Variants in RBKS observed in about 807,000 individuals in gnomAD.
RBKS encodes the protein ribokinase.
A neutral mutation model predicts 33.9 loss-of-function variants in RBKS; 33 were observed. That is an observed-to-expected ratio of 0.97 (90% CI 0.74 to 1.30). The LOEUF (loss-of-function observed/expected upper bound fraction) is 1.30. Ranked by LOEUF, RBKS falls within the 50% of genes most tolerant of loss-of-function variation. The pLI, the probability that RBKS is intolerant of heterozygous loss-of-function variation, is 0.00. For missense variants in RBKS, 361 were observed against 392.6 expected (o/e 0.92, Z 0.68); for synonymous variants, 125 against 143.0 (o/e 0.87, Z 0.90).
Position 27,810,018 on chromosome 2 carries a change from CA to C in RBKS, c.795+17548del. 1 of 1,304,270 alleles carries C rather than the reference CA, an allele frequency of 7.7e-7. No individual in the cohort carries two copies. Among genetic ancestry groups the C allele is most frequent in the Admixed American group, 2.3e-5 (1 of 43,570 alleles). The allele number at this position is 1,304,270 out of a possible 1,614,324, so 80.8% of individuals were successfully genotyped here. Reference sequence around the variant, plus strand: ...TTCTGCTTCTTCACACTTGCTGCTTCACTCTTGGGTCTTGAGCCAGGTCTAC... The same window carrying C: ...TTCTGCTTCTTCACACTTGCTGCTTCCTCTTGGGTCTTGAGCCAGGTCTAC... On this transcript the variant is annotated intron_variant, in intron 7 of 7. Transcript: ENST00000302188. The surrounding 1 kb of genome is among the most constrained non-coding windows in gnomAD (Gnocchi z 4.4).
chr2:27,869,607 C>A (rs537626421), intron 1 of RBKS, among the ~76,000 whole-genome samples: 1 of 152,186 alleles, frequency 6.6e-6, no homozygotes, highest in East Asian at 1.9e-4. Context: ...TTGGGATGAT[C>A]CAAGCACATT....
chr2:27,785,162 G>A (rs750570448), intron 7 of RBKS, among the ~76,000 whole-genome samples: 6 of 151,618 alleles, frequency 4.0e-5, no homozygotes, highest in Non-Finnish European at 7.4e-5. Context: ...AACCCCAGAC[G>A]GAAAACATAA....
intron 7 of RBKS, among the ~76,000 whole-genome samples, chr2:27,798,154 G>A (rs934060698): frequency 1.8e-4 from 27 of 152,094 alleles, no homozygotes; most frequent in Non-Finnish European, 3.8e-4. Flanking sequence ...AGGCGCCCAA[G>A]TCCTAGATAA....
At chr2:27,798,995 C>G (rs567118149) in intron 7 of RBKS, among the ~76,000 whole-genome samples, 1 of 152,302 alleles carries the variant, frequency 6.6e-6, no homozygotes, top group Non-Finnish European at 1.5e-5. Context: ...GTCTTCATCA[C>G]CTCCCTGTCC....
chr2:27,881,812 A>G (rs1299496045), intron 1 of RBKS, among the ~76,000 whole-genome samples: 1 of 152,166 alleles, frequency 6.6e-6, no homozygotes, highest in Non-Finnish European at 1.5e-5. Context: ...AAAACAAGCA[A>G]TGGAGAAAGG....
At chr2:27,879,342 T>A (rs948638692) in intron 1 of RBKS, among the ~76,000 whole-genome samples, 10 of 152,174 alleles carry the variant, frequency 6.6e-5, no homozygotes, top group Non-Finnish European at 1.3e-4. Context: ...CCTGTTGAAA[T>A]TTAATTGCCA....
At chr2:27,858,336 A>G (rs764459867) in intron 2 of RBKS, 103 bp downstream of exon 2, 1 of 1,161,266 alleles carries the variant, frequency 8.6e-7, no homozygotes, top group Non-Finnish European at 1.2e-6. Context: ...CATGCCACTG[A>G]ACTGTTCACT....
chr2:27,783,769 A>T (rs1282465160), intron 7 of RBKS, among the ~76,000 whole-genome samples: 1 of 150,868 alleles, frequency 6.6e-6, no homozygotes, highest in East Asian at 2.0e-4. Flanking sequence ...TAGCCGGGCG[A>T]GGTGGTGGAC....
chr2:27,809,868 CA>C lies in RBKS; in HGVS notation c.795+17698del, dbSNP rs573495538. On this transcript the variant is annotated intron_variant, in intron 7 of 7. Transcript: ENST00000302188. ...CACAGGTTCCACTTCTGCTGATGCA[CA>C]AAATTTTGAGTAATTAGTCATTGCA... 9.1e-5 allele frequency: 112 copies of C among 1,234,774 alleles called. No individual in the cohort carries two copies. In the South Asian group the frequency reaches 1.3e-3, roughly 14 times the overall value. 76.5% of individuals were successfully genotyped at this position (1,234,774 alleles called of 1,614,324 possible).
At chr2:27,816,530 T>C (rs1396223167) in intron 7 of RBKS, among the ~76,000 whole-genome samples, 1 of 152,230 alleles carries the variant, frequency 6.6e-6, no homozygotes, top group Non-Finnish European at 1.5e-5. Flanking sequence ...TCAGAGATGT[T>C]GTGCACTCTC....
chr2:27,856,930 T>C (rs1414655807), intron 2 of RBKS, among the ~76,000 whole-genome samples: 2 of 152,204 alleles, frequency 1.3e-5, no homozygotes, highest in African/African-American at 4.8e-5. Flanking sequence ...ACATAATTAA[T>C]TGCTGATTAA....
intron 7 of RBKS, among the ~76,000 whole-genome samples, chr2:27,820,549 TTCTCTCTCTCTC>T (rs10534268): frequency 3.2e-4 from 48 of 147,948 alleles, no homozygotes; most frequent in Middle Eastern, 3.5e-3. Context: ...AGATTTACTA[TTCTCTCTCTCTC>T]TCTCTCTCTC....
chr2:27,862,333 A>G (rs1457412251), intron 1 of RBKS, among the ~76,000 whole-genome samples: 3 of 152,220 alleles, frequency 2.0e-5, no homozygotes, highest in African/African-American at 4.8e-5. Context: ...AAGTTAAATG[A>G]CAGGTATTCA....
At chr2:27,864,873 G>A (rs1027277006) in intron 1 of RBKS, among the ~76,000 whole-genome samples, 1 of 152,162 alleles carries the variant, frequency 6.6e-6, no homozygotes, top group Non-Finnish European at 1.5e-5. Context: ...ACCTGCACAT[G>A]ACCTACTGAC....
chr2:27,889,278 C>T (rs1480904075), intron 1 of RBKS, among the ~76,000 whole-genome samples: 1 of 152,154 alleles, frequency 6.6e-6, no homozygotes. Flanking sequence ...TTTTGATTGT[C>T]CCAAAGCCTT....
chr2:27,789,814 C>T (rs1046025708), intron 7 of RBKS, among the ~76,000 whole-genome samples: 6 of 151,174 alleles, frequency 4.0e-5, no homozygotes, highest in South Asian at 2.1e-4. Flanking sequence ...CCACCCGCCA[C>T]GCCCTCCCAA....
At chr2:27,801,988 ATATATTTTTTTTTTTTT>A (rs1677803983) in intron 7 of RBKS, among the ~76,000 whole-genome samples, 2 of 86,892 alleles carry the variant, frequency 2.3e-5, no homozygotes, top group African/African-American at 1.1e-4. Flanking sequence ...ATATATATAT[ATATATTTTTTTTTTTTT>A]TTTTTTTTTT....
chr2:27,835,497 C>T (rs1157070687), intron 5 of RBKS, among the ~76,000 whole-genome samples: 1 of 136,970 alleles, frequency 7.3e-6, no homozygotes, highest in Admixed American at 7.8e-5. Context: ...TGGCTCACTG[C>T]AACCTCCACC....
intron 4 of RBKS, among the ~76,000 whole-genome samples, chr2:27,846,056 G>A (rs893042420): frequency 6.6e-6 from 1 of 151,876 alleles, no homozygotes; most frequent in South Asian, 2.1e-4. Context: ...CCTCCGCCTT[G>A]TGAGTTCAAG....
Sources: gnomAD v4.1 joint callset for allele counts (sites outside exome capture counted in the v4.1 genomes callset) on GRCh38, gnomAD v4.1.1 for gene constraint, Gnocchi (gnomAD v3.1) non-coding constraint, MANE v1.5 for transcripts, NCBI Gene and HGNC (gene_info 2026-07-23, HGNC 2026-07-21) for gene names.